The following IFNAR2 variants were observed in gnomAD, a reference collection of about 807,000 sequenced individuals.
IFNAR2 encodes the protein interferon alpha and beta receptor subunit 2, also known as interferon alpha/beta receptor 2.
Under a neutral mutation model 49.4 loss-of-function variants are expected in IFNAR2, and 30 were observed. That is an observed-to-expected ratio of 0.61 (90% CI 0.45 to 0.82). The LOEUF is 0.82. Among genes scored for constraint, IFNAR2 ranks in the 40% least tolerant of loss-of-function variants. The pLI is 0.00. For synonymous variants in IFNAR2, 224 were observed against 234.5 expected (o/e 0.96, Z 0.41); for missense variants, 600 against 622.7 (o/e 0.96, Z 0.39).
chr21:33,249,809 A>G (rs907485234), intron 6 of IFNAR2, among the ~76,000 whole-genome samples: 1 of 152,162 alleles, frequency 6.6e-6, no homozygotes, highest in African/African-American at 2.4e-5. Context: ...TTTCAGGCGG[A>G]GGGCACAGGA....
chr21:33,246,259 AC>A (rs1568884912), intron 4 of IFNAR2, among the ~76,000 whole-genome samples: 1 of 151,980 alleles, frequency 6.6e-6, no homozygotes, highest in Non-Finnish European at 1.5e-5. Flanking sequence ...TTTAGTAGAG[AC>A]GGGGTTTCAC....
intron 6 of IFNAR2, among the ~76,000 whole-genome samples, chr21:33,250,912 C>T (rs1418925942): frequency 2.0e-5 from 3 of 152,170 alleles, no homozygotes; most frequent in African/African-American, 7.2e-5. Context: ...ATGAATGAAG[C>T]AGGTGAGGGT....
chr21:33,262,926 A>T lies in IFNAR2; in HGVS notation c.974A>T (p.Asp325Val). 6.2e-7 allele frequency: 1 copy of T among 1,614,214 alleles called. No individual in the cohort carries two copies. The highest frequency in any genetic ancestry group is 8.5e-7 in the Non-Finnish European group (1 of 1,180,036). ...AATTATGATGATGAAAGTGATAGCG[A>T]TACTGAGGCAGCGCCCAGGACAAGT... is the stretch of plus-strand genomic sequence containing the variant. ...DYNYDDESDS[D>V]TEAAPRTSGG... Residue 325 changes from aspartate to valine, a missense_variant, in exon 9 of 9, where the codon GAT becomes GTT. Asp to Val is a radical substitution (Grantham distance 152, BLOSUM62 -3). Coordinates refer to ENST00000342136, the MANE Select transcript of IFNAR2 (RefSeq NM_001289125.3).
At chr21:33,241,220 G>A (rs1669967155) in intron 1 of IFNAR2, among the ~76,000 whole-genome samples, 1 of 152,136 alleles carries the variant, frequency 6.6e-6, no homozygotes, top group Non-Finnish European at 1.5e-5. Flanking sequence ...ATCCTAATTT[G>A]AATGAGCTGT....
At position 33,262,959 on chromosome 21, in the gene IFNAR2, G is replaced by T; in HGVS notation, c.1007G>T (p.Gly336Val). The change falls in exon 9 of 9, where the codon GGC (glycine) becomes GTC (valine). Residue 336 changes from glycine (G) to valine (V), a missense_variant. Coordinates refer to ENST00000342136, the MANE Select transcript of IFNAR2 (RefSeq NM_001289125.3). Reference protein sequence around the residue: ...TEAAPRTSGGGYTMHGLTVRP... With the variant: ...TEAAPRTSGGVYTMHGLTVRP... The stretch of plus-strand genomic sequence containing the variant: ...GCAGCGCCCAGGACAAGTGGCGGTG[G>T]CTATACCATGCATGGACTGACTGTC... 1 of 1,614,160 alleles carries T rather than the reference G, an allele frequency of 6.2e-7. No homozygotes were observed. Among genetic ancestry groups the T allele is most frequent in the Non-Finnish European group, 8.5e-7 (1 of 1,180,014 alleles).
intron 2 of IFNAR2, among the ~76,000 whole-genome samples, chr21:33,242,445 G>A (rs1430352722): frequency 1.3e-5 from 2 of 152,068 alleles, no homozygotes; most frequent in South Asian, 2.1e-4. Context: ...TAAAGATCTC[G>A]TGTGTGTCCG....
At position 33,246,856 on chromosome 21, in the gene IFNAR2, C is replaced by G; in HGVS notation, c.360C>G (p.Phe120Leu). 6.2e-7 allele frequency: 1 copy of G among 1,614,160 alleles called. No individual in the cohort carries two copies. Among genetic ancestry groups the G allele is most frequent in the South Asian group, 1.1e-5 (1 of 91,072 alleles). ...LEGFSGNTTL[F>L]SCSHNFWLAI... ...GATTCAGCGGGAACACAACGTTGTT[C>G]AGTTGCTCACACAATTTCTGGCTGG... The change falls in exon 5 of 9, where the codon TTC becomes TTG. Residue 120 changes from phenylalanine to leucine, a missense_variant. By Grantham distance (22) the Phe-to-Leu change is conservative (BLOSUM62 0). Coordinates refer to ENST00000342136, the MANE Select transcript of IFNAR2 (RefSeq NM_001289125.3).
At chr21:33,247,411 C>T (rs565475085) in intron 5 of IFNAR2, among the ~76,000 whole-genome samples, 5 of 152,092 alleles carry the variant, frequency 3.3e-5, no homozygotes, top group African/African-American at 1.2e-4. Context: ...ACCACCATAC[C>T]TGGCTCATTT....
Position 33,262,573 on chromosome 21 carries a change from G to A in IFNAR2, c.841-220G>A, listed in dbSNP as rs1131668. ...TTTATTTTTTTAGAGGCAAGGTCTCGCTAAGGGCTGGAATGCAGTGGCTAT... is the reference window on the plus strand; with the variant it reads ...TTTATTTTTTTAGAGGCAAGGTCTCACTAAGGGCTGGAATGCAGTGGCTAT... On this transcript the variant is annotated intron_variant, in intron 8 of 8. Coordinates refer to ENST00000342136, the MANE Select transcript of IFNAR2 (RefSeq NM_001289125.3). The A allele has an allele frequency of 0.36, 256,799 of 718,052 alleles. 48,370 individuals are homozygous for A. The highest frequency in any genetic ancestry group is 0.57 in the East Asian group (21,236 of 37,296). The allele number at this position is 718,052 out of a possible 1,614,324, so 44.5% of individuals were successfully genotyped here.
At chr21:33,258,554 ATATATT>A (rs1341826288) in intron 7 of IFNAR2, among the ~76,000 whole-genome samples, 5 of 152,134 alleles carry the variant, frequency 3.3e-5, no homozygotes, top group African/African-American at 1.2e-4. Flanking sequence ...TATTAATATA[ATATATT>A]TATATTGTTT....
rs17860133 is a variant in IFNAR2 at position 33,233,474 on chromosome 21, G to A, written c.-84+3258G>A. 1.0e-3 allele frequency among the ~76,000 whole-genome samples: 158 copies of A among 152,246 alleles called. 1 individual carries two copies. Among genetic ancestry groups the A allele is most frequent in the African/African-American group, 3.6e-3 (149 of 41,540 alleles). On this transcript the variant is annotated intron_variant, in intron 1 of 8. Transcript: ENST00000342136. ...TCCAGAAAATGTCATGTGGGAATAC[G>A]GAAGCACTACGATATCTTAAACTAT...
chr21:33,260,787 G>T, intron 8 of IFNAR2, 60 bp downstream of exon 8: 1 of 1,076,382 alleles, frequency 9.3e-7, no homozygotes, highest in East Asian at 3.0e-5. Flanking sequence ...TTTAACTTAA[G>T]AATTTGTATT....
intron 6 of IFNAR2, 108 bp from the exon 7 acceptor site, chr21:33,252,554 G>A: frequency 6.8e-7 from 1 of 1,470,730 alleles, no homozygotes; most frequent in Non-Finnish European, 9.0e-7. Flanking sequence ...TACCAAGCCT[G>A]TGATAAATCT....
chr21:33,261,455 G>A (rs1053080530), intron 8 of IFNAR2, among the ~76,000 whole-genome samples: 2 of 152,062 alleles, frequency 1.3e-5, no homozygotes, highest in African/African-American at 4.8e-5. Flanking sequence ...AGGGCATTTG[G>A]ATTTCTTTTC....
Position 33,230,169 on chromosome 21 carries a change from G to T in IFNAR2, c.-131G>T. 9.0e-6 allele frequency: 9 copies of T among 1,004,984 alleles called. No homozygotes were observed. The highest frequency in any genetic ancestry group is 1.1e-5 in the Non-Finnish European group (9 of 840,394). The allele number at this position is 1,004,984 out of a possible 1,614,324, so 62.3% of individuals were successfully genotyped here. ...GGGTCCCAGAGCCGGGCGCGGCTGG[G>T]GCCCGAGGCTAGCATCTCTCGGGAG... is the stretch of plus-strand genomic sequence containing the variant. On this transcript the variant is annotated 5_prime_UTR_variant, in exon 1 of 9. Coordinates refer to ENST00000342136, the MANE Select transcript of IFNAR2 (RefSeq NM_001289125.3). This position sits in a 1 kb window ranked among gnomAD's most constrained non-coding sequence, Gnocchi z 5.5.
rs761211574 is a variant in IFNAR2 at position 33,260,661 on chromosome 21, A to G, written c.774A>G (p.Thr258=). The G allele has an allele frequency of 5.6e-6, 9 of 1,604,760 alleles. No homozygotes were observed. The highest frequency in any genetic ancestry group is 5.9e-6 in the Non-Finnish European group (7 of 1,178,052). Residue 258 remains threonine, a synonymous_variant, in exon 8 of 9, where the codon ACA becomes ACG. Transcript: ENST00000342136. ...TGTTTTTGATAGCATTGGTCTTGAC[A>G]AGCACCATAGTGACACTGAAATGGA... ...ITVFLIALVL[T]STIVTLKWIG... is the part of the protein sequence containing the mutation.
chr21:33,236,491 GC>G (rs748710668), intron 1 of IFNAR2, among the ~76,000 whole-genome samples: 4 of 152,190 alleles, frequency 2.6e-5, no homozygotes, highest in Non-Finnish European at 5.9e-5. Flanking sequence ...ACTCATCCCT[GC>G]CAGACCCAAC....
intron 6 of IFNAR2, chr21:33,251,431 C>G: frequency 2.7e-6 from 1 of 369,962 alleles, no homozygotes; most frequent in African/African-American, 2.2e-5. Flanking sequence ...GGAGTAGATT[C>G]AAGAAAGAGT....
intron 7 of IFNAR2, among the ~76,000 whole-genome samples, chr21:33,257,463 C>G (rs1988283232): frequency 6.6e-6 from 1 of 152,162 alleles, no homozygotes; most frequent in Admixed American, 6.5e-5. Context: ...TTGTCCCTTC[C>G]CGTGTTCGTT....
Sources: gnomAD v4.1 joint callset for allele counts (sites outside exome capture counted in the v4.1 genomes callset) on GRCh38, gnomAD v4.1.1 for gene constraint, Gnocchi (gnomAD v3.1) non-coding constraint, MANE v1.5 for transcripts, NCBI Gene and HGNC (gene_info 2026-07-23, HGNC 2026-07-21) for gene names.